The following PTPRN2 variants were observed in gnomAD, a reference collection of about 807,000 sequenced individuals.
PTPRN2 encodes the protein receptor-type tyrosine-protein phosphatase N2.
PTPRN2 carries 74 observed loss-of-function variants against 118.8 expected under a neutral mutation model. The ratio of observed to expected loss-of-function variants is 0.62; its 90% CI spans 0.52 to 0.76. The LOEUF (loss-of-function observed/expected upper bound fraction) is 0.76. Ranked by LOEUF, PTPRN2 falls within the 30% of genes least tolerant of loss-of-function variation. PTPRN2 has a pLI of 0.00. For missense variants in PTPRN2, 1,481 were observed against 1,394.4 expected, an observed-to-expected ratio of 1.06 and a Z score of -0.99; for synonymous variants, 641 against 608.0, an observed-to-expected ratio of 1.05 and a Z score of -0.80.
chr7:158,369,873 A>G (rs1283635500), intron 2 of PTPRN2, among the ~76,000 whole-genome samples: 3 of 152,220 alleles, frequency 2.0e-5, no homozygotes, highest in Admixed American at 6.5e-5. Flanking sequence ...AAAAAGCAAG[A>G]TAACAGCACT....
chr7:158,076,839 G>C (rs1021287753), intron 11 of PTPRN2, among the ~76,000 whole-genome samples: 1 of 152,144 alleles, frequency 6.6e-6, no homozygotes, highest in African/African-American at 2.4e-5. Flanking sequence ...CACCGGGGTT[G>C]GGGGGAGCTT....
chr7:158,501,743 C>T (rs1284300735), intron 1 of PTPRN2, among the ~76,000 whole-genome samples: 1 of 152,146 alleles, frequency 6.6e-6, no homozygotes, highest in African/African-American at 2.4e-5. Flanking sequence ...GAGGCCAACG[C>T]GTGTTTCGGC....
At chr7:157,887,948 G>T (rs1009010957) in intron 12 of PTPRN2, among the ~76,000 whole-genome samples, 3 of 149,384 alleles carry the variant, frequency 2.0e-5, no homozygotes, top group African/African-American at 7.4e-5. Flanking sequence ...GTGGGCAAGA[G>T]CCCACACAGG....
intron 2 of PTPRN2, among the ~76,000 whole-genome samples, chr7:158,440,418 T>C (rs1816903691): frequency 6.6e-6 from 1 of 152,032 alleles, no homozygotes; most frequent in Non-Finnish European, 1.5e-5. Flanking sequence ...GTGGTGGTGA[T>C]AGTGAAAGCA....
chr7:158,433,016 T>C (rs1037650498), intron 2 of PTPRN2, among the ~76,000 whole-genome samples: 13 of 152,216 alleles, frequency 8.5e-5, no homozygotes, highest in African/African-American at 2.9e-4. Context: ...CAGCTTTGCC[T>C]GTTTGAACTG....
intron 11 of PTPRN2, among the ~76,000 whole-genome samples, chr7:157,934,592 A>C (rs761223355): frequency 6.6e-6 from 1 of 152,150 alleles, no homozygotes; most frequent in African/African-American, 2.4e-5. Context: ...AAAGAATCAC[A>C]TTTGTTTAAT....
chr7:158,393,954 A>C, intron 2 of PTPRN2, among the ~76,000 whole-genome samples: 1 of 147,910 alleles, frequency 6.8e-6, no homozygotes. Context: ...CCCACCCTTC[A>C]TCTCTCACCC....
chr7:157,691,841 A>T (rs543885161), intron 12 of PTPRN2, among the ~76,000 whole-genome samples: 1 of 151,988 alleles, frequency 6.6e-6, no homozygotes, highest in African/African-American at 2.4e-5. Flanking sequence ...TCTCGGGGCG[A>T]CTAGGACCAC....
rs1019777868 is a variant in PTPRN2, at chr7:158,498,026, C to G, written c.113-8241G>C. On this transcript the variant is annotated intron_variant, in intron 1 of 22. Coordinates refer to ENST00000389418, the MANE Select transcript of PTPRN2 (RefSeq NM_002847.5). Reference sequence around the variant, plus strand: ...CCCTCCAATTCACCTCCACCCCATACGCCTGGTCAGTCCGCTCCATCACAA... The same window carrying G: ...CCCTCCAATTCACCTCCACCCCATAGGCCTGGTCAGTCCGCTCCATCACAA... Among the ~76,000 whole-genome samples, 3 of 152,272 alleles carry G rather than the reference C, an allele frequency of 2.0e-5. No homozygotes were observed. The East Asian group carries it at 5.8e-4, about 29-fold the overall frequency.
At chr7:157,992,462 C>T (rs1390398725) in intron 11 of PTPRN2, among the ~76,000 whole-genome samples, 1 of 152,244 alleles carries the variant, frequency 6.6e-6, no homozygotes, top group East Asian at 1.9e-4. Context: ...CTGAGTGGGT[C>T]TCTCAGCACC....
intron 12 of PTPRN2, among the ~76,000 whole-genome samples, chr7:157,714,921 T>A (rs1432657052): frequency 3.0e-4 from 45 of 147,590 alleles, no homozygotes; most frequent in Admixed American, 3.0e-3. Flanking sequence ...CCAAGCCCGA[T>A]CACTTCTCCT....
chr7:157,786,079 G>T (rs371834930), intron 12 of PTPRN2, among the ~76,000 whole-genome samples: 3 of 152,188 alleles, frequency 2.0e-5, no homozygotes. Flanking sequence ...GCCGCACTCC[G>T]AGTGCGCGCC....
rs551481775 is a variant in PTPRN2, at chr7:157,626,248, G to A, written c.2197-4739C>T. Among the ~76,000 whole-genome samples the A allele has an allele frequency of 3.3e-5, 5 of 152,244 alleles. No homozygotes were observed. The East Asian group carries it at 9.6e-4, about 29-fold the overall frequency. ...AGTTGCTTTTTCACTGAACGACCAG[G>A]TTGGCGTTTCTGGTGCAAAATATAA... is the stretch of plus-strand genomic sequence containing the variant. On this transcript the variant is annotated intron_variant, in intron 14 of 22. Transcript: ENST00000389418.
intron 11 of PTPRN2, among the ~76,000 whole-genome samples, chr7:158,024,101 A>T (rs1349899042): frequency 6.6e-6 from 1 of 152,152 alleles, no homozygotes; most frequent in Non-Finnish European, 1.5e-5. Context: ...ACAATGCCAA[A>T]CACACCCCAG....
At chr7:157,905,305 G>A (rs1273021850) in intron 11 of PTPRN2, among the ~76,000 whole-genome samples, 1 of 152,224 alleles carries the variant, frequency 6.6e-6, no homozygotes, top group Non-Finnish European at 1.5e-5. Context: ...GCTTCAGCCA[G>A]ATGTCCATCA....
intron 11 of PTPRN2, among the ~76,000 whole-genome samples, chr7:157,955,975 G>A (rs560153354): frequency 6.6e-6 from 1 of 152,328 alleles, no homozygotes; most frequent in South Asian, 2.1e-4. Context: ...GGAGAAACCC[G>A]CACATTCTGA....
chr7:157,552,506 G>A (rs979091855), intron 21 of PTPRN2, among the ~76,000 whole-genome samples: 3 of 152,066 alleles, frequency 2.0e-5, no homozygotes, highest in African/African-American at 4.8e-5. Flanking sequence ...GGGATGGGCC[G>A]AGGTGCAGGA....
At chr7:157,792,929 C>T (rs943064653) in intron 12 of PTPRN2, among the ~76,000 whole-genome samples, 2 of 152,162 alleles carry the variant, frequency 1.3e-5, no homozygotes, top group South Asian at 2.1e-4. Context: ...CCGCGGGTGC[C>T]GAGTTTAAAA....
intron 12 of PTPRN2, among the ~76,000 whole-genome samples, chr7:157,786,520 G>A (rs140844827): frequency 3.6e-3 from 554 of 152,302 alleles, no homozygotes; most frequent in Non-Finnish European, 6.6e-3. Context: ...TGTCCACAGC[G>A]TGAGTCCCTT....
Sources: allele counts gnomAD v4.1 joint callset (sites outside exome capture counted in the v4.1 genomes callset), GRCh38; gene constraint gnomAD v4.1.1; transcripts MANE v1.5; gene names NCBI Gene and HGNC (gene_info 2026-07-23, HGNC 2026-07-21).